Variants in CDK19 observed in about 807,000 individuals in gnomAD.
CDK19 encodes cyclin dependent kinase 19, also known as cyclin-dependent kinase 19.
Under a neutral mutation model 68.3 loss-of-function variants are expected in CDK19, and 20 were observed. The observed-to-expected ratio is 0.29, with a 90% CI of 0.21 to 0.43. The LOEUF (loss-of-function observed/expected upper bound fraction) is 0.43. Ranked by LOEUF, CDK19 falls within the 20% of genes least tolerant of loss-of-function variation. The probability of loss-of-function intolerance (pLI) is 1.00; values close to 1 mark genes in which losing one functional copy is unlikely to be tolerated. For missense variants in CDK19, 339 were observed against 623.5 expected (o/e 0.54, Z 4.86); for synonymous variants, 221 against 222.8 (o/e 0.99, Z 0.07).
At chr6:110,729,177 G>A (rs964316895) in intron 2 of CDK19, among the ~76,000 whole-genome samples, 4 of 152,088 alleles carry the variant, frequency 2.6e-5, no homozygotes, top group Admixed American at 2.0e-4. Flanking sequence ...AAGTAAAAGA[G>A]CTAGGACAGG....
At chr6:110,768,304 T>A (rs1779731751) in intron 1 of CDK19, among the ~76,000 whole-genome samples, 1 of 152,190 alleles carries the variant, frequency 6.6e-6, no homozygotes, top group South Asian at 2.1e-4. Flanking sequence ...TGCAAAGTAG[T>A]ACAGCCACTT....
chr6:110,716,718 AAGAG>A (rs971200739), intron 2 of CDK19, among the ~76,000 whole-genome samples: 8 of 152,204 alleles, frequency 5.3e-5, no homozygotes, highest in Admixed American at 3.9e-4. Flanking sequence ...ATAGAGAACA[AAGAG>A]AGAGAAAGAG....
At chr6:110,616,532 G>T (rs529304853) in intron 12 of CDK19, among the ~76,000 whole-genome samples, 2 of 152,178 alleles carry the variant, frequency 1.3e-5, no homozygotes, top group Non-Finnish European at 2.9e-5. Flanking sequence ...GCCAGGCATG[G>T]TGGTGGGTCC....
chr6:110,618,978 C>G (rs1232068387), intron 12 of CDK19, among the ~76,000 whole-genome samples: 2 of 152,108 alleles, frequency 1.3e-5, no homozygotes, highest in Non-Finnish European at 2.9e-5. Context: ...AATTAACCTG[C>G]CTTTTGTGAG....
At chr6:110,618,984 G>C (rs1179436169) in intron 12 of CDK19, among the ~76,000 whole-genome samples, 3 of 152,126 alleles carry the variant, frequency 2.0e-5, no homozygotes, top group Non-Finnish European at 4.4e-5. Flanking sequence ...CCTGCCTTTT[G>C]TGAGTTGATT....
intron 2 of CDK19, among the ~76,000 whole-genome samples, chr6:110,714,128 C>T (rs938638738): frequency 5.3e-5 from 8 of 152,200 alleles, no homozygotes; most frequent in Admixed American, 1.3e-4. Context: ...AACCAATAAT[C>T]TGCTATGTCT....
At chr6:110,711,261 G>A (rs1774917949) in intron 2 of CDK19, among the ~76,000 whole-genome samples, 1 of 152,108 alleles carries the variant, frequency 6.6e-6, no homozygotes, top group South Asian at 2.1e-4. Flanking sequence ...ATTTTCTGTA[G>A]AGAGGGGTTA....
At chr6:110,799,086 T>G (rs545955747) in intron 1 of CDK19, among the ~76,000 whole-genome samples, 34 of 139,434 alleles carry the variant, frequency 2.4e-4, no homozygotes, top group African/African-American at 9.3e-4. Flanking sequence ...GAGGTTGCAG[T>G]GAGCTGTGAT....
chr6:110,616,881 T>C (rs992428192), intron 12 of CDK19, among the ~76,000 whole-genome samples: 1 of 152,350 alleles, frequency 6.6e-6, no homozygotes, highest in East Asian at 1.9e-4. Flanking sequence ...TCTAATGTGC[T>C]GTAACATAGC....
Position 110,648,538 on chromosome 6 carries a change from C to CTTTTTTTTTTTTT in CDK19, c.457-9845_457-9833dup, listed in dbSNP as rs60624969. Among the ~76,000 whole-genome samples, 17 of 120,216 alleles carry CTTTTTTTTTTTTT rather than the reference C, an allele frequency of 1.4e-4. 1 individual carries two copies. The highest frequency in any genetic ancestry group is 2.7e-4 in the South Asian group (1 of 3,646). 78.9% of individuals were successfully genotyped at this position (120,216 alleles called of 152,430 possible). Reference sequence around the variant, plus strand: ...AACACCATGAAATCTTTTTTCTTTTCTTTTTTTTTTTTTTTTTTTTGAGAA... The same window carrying CTTTTTTTTTTTTT: ...AACACCATGAAATCTTTTTTCTTTTCTTTTTTTTTTTTTTTTTTTTTTTTTTTTTTTTTGAGAA... On this transcript the variant is annotated intron_variant, in intron 4 of 12. Coordinates refer to ENST00000368911, the MANE Select transcript of CDK19 (RefSeq NM_015076.5).
intron 1 of CDK19, among the ~76,000 whole-genome samples, chr6:110,809,923 C>T (rs1181762735): frequency 2.0e-5 from 3 of 151,988 alleles, no homozygotes; most frequent in Admixed American, 2.0e-4. Flanking sequence ...AGGAGTACAC[C>T]GAGTGATTAA....
chr6:110,675,627 C>CAAAAAAAAA (rs57966061), intron 2 of CDK19, among the ~76,000 whole-genome samples: 2 of 56,532 alleles, frequency 3.5e-5, no homozygotes, highest in Non-Finnish European at 6.9e-5. Flanking sequence ...GACTCCATCT[C>CAAAAAAAAA]AAAAAAAAAA....
At chr6:110,716,533 G>C (rs932069922) in intron 2 of CDK19, among the ~76,000 whole-genome samples, 51 of 152,098 alleles carry the variant, frequency 3.4e-4, no homozygotes, top group Admixed American at 3.3e-3. Flanking sequence ...CACTGTCTTA[G>C]ATCATGGCAA....
chr6:110,795,441 CAT>C (rs1781873890), intron 1 of CDK19, among the ~76,000 whole-genome samples: 1 of 152,150 alleles, frequency 6.6e-6, no homozygotes, highest in South Asian at 2.1e-4. Context: ...GTAGGAAAAT[CAT>C]AGAGAAACAG....
At chr6:110,811,381 G>A (rs897921358) in intron 1 of CDK19, among the ~76,000 whole-genome samples, 1 of 152,076 alleles carries the variant, frequency 6.6e-6, no homozygotes, top group African/African-American at 2.4e-5. Context: ...AACAAACTCT[G>A]TAAGCTGTGT....
At chr6:110,804,341 C>A (rs802687) in intron 1 of CDK19, among the ~76,000 whole-genome samples, 2 of 151,544 alleles carry the variant, frequency 1.3e-5, no homozygotes, top group Non-Finnish European at 1.5e-5. Flanking sequence ...GTTAAAGATT[C>A]TTTTTTCTTT....
At chr6:110,712,158 A>G (rs866556968) in intron 2 of CDK19, among the ~76,000 whole-genome samples, 7 of 152,342 alleles carry the variant, frequency 4.6e-5, no homozygotes, top group Middle Eastern at 6.8e-3. Flanking sequence ...CTGAGTTCAA[A>G]TAAGTTTGGG....
intron 1 of CDK19, among the ~76,000 whole-genome samples, chr6:110,760,669 A>G (rs1476899247): frequency 6.6e-6 from 1 of 152,186 alleles, no homozygotes; most frequent in Non-Finnish European, 1.5e-5. Context: ...TCAAGGCTGC[A>G]GTGAGCTGTG....
At chr6:110,801,670 C>T (rs894403386) in intron 1 of CDK19, among the ~76,000 whole-genome samples, 1 of 152,040 alleles carries the variant, frequency 6.6e-6, no homozygotes, top group Non-Finnish European at 1.5e-5. Flanking sequence ...CACCACTGCA[C>T]CCGGCTAATT....
Sources: allele counts gnomAD v4.1 joint callset (sites outside exome capture counted in the v4.1 genomes callset), GRCh38; gene constraint gnomAD v4.1.1; transcripts MANE v1.5; gene names NCBI Gene and HGNC (gene_info 2026-07-23, HGNC 2026-07-21).